The following ADAM12 variants were observed in gnomAD, a reference collection of about 807,000 sequenced individuals.
ADAM12 encodes disintegrin and metalloproteinase domain-containing protein 12.
A neutral mutation model predicts 106.4 loss-of-function variants in ADAM12; 70 were observed. That is an observed-to-expected ratio of 0.66 (90% CI 0.54 to 0.80). The LOEUF is 0.80. ADAM12 is among the 30% of genes least tolerant of loss of function. The pLI is 0.00. For synonymous variants in ADAM12, 420 were observed against 433.5 expected (o/e 0.97, Z 0.39); for missense variants, 1,010 against 1,171.9 (o/e 0.86, Z 2.02).
At chr10:126,152,153 T>C (rs944043608) in intron 4 of ADAM12, among the ~76,000 whole-genome samples, 1 of 152,056 alleles carries the variant, frequency 6.6e-6, no homozygotes, top group Admixed American at 6.5e-5. Context: ...ATTAAGCTTA[T>C]CAATTTTACA....
At chr10:126,230,537 C>G (rs1958291118) in intron 3 of ADAM12, among the ~76,000 whole-genome samples, 1 of 152,208 alleles carries the variant, frequency 6.6e-6, no homozygotes, top group African/African-American at 2.4e-5. Flanking sequence ...AACCCACCCA[C>G]TCTCCTGAAA....
chr10:126,173,087 C>T (rs1957148903), intron 3 of ADAM12, among the ~76,000 whole-genome samples: 1 of 152,082 alleles, frequency 6.6e-6, no homozygotes, highest in Non-Finnish European at 1.5e-5. Flanking sequence ...AGGTGAACAT[C>T]ACACACTGGG....
intron 2 of ADAM12, among the ~76,000 whole-genome samples, chr10:126,284,324 C>T (rs1329956535): frequency 8.5e-6 from 1 of 117,394 alleles, no homozygotes; most frequent in Admixed American, 1.0e-4. Flanking sequence ...CAGAGCAAGA[C>T]TCCATCTCAA....
chr10:126,135,467 A>G (rs925718979), intron 5 of ADAM12, 117 bp downstream of exon 5: 6 of 945,700 alleles, frequency 6.3e-6, no homozygotes, highest in Non-Finnish European at 9.9e-6. Flanking sequence ...GTGGAGGTGT[A>G]GCTGAGCTGG....
At chr10:126,277,886 C>T (rs1959346653) in intron 3 of ADAM12, among the ~76,000 whole-genome samples, 1 of 152,160 alleles carries the variant, frequency 6.6e-6, no homozygotes, top group South Asian at 2.1e-4. Context: ...ACCGAACTTT[C>T]GGGCTGGCTG....
intron 11 of ADAM12, among the ~76,000 whole-genome samples, chr10:126,086,800 G>A (rs913312622): frequency 6.2e-5 from 9 of 145,488 alleles, no homozygotes; most frequent in African/African-American, 1.8e-4. Context: ...TTGGGAAGCC[G>A]AGGCTCACAG....
At chr10:126,322,878 T>C (rs1163646663) in intron 2 of ADAM12, among the ~76,000 whole-genome samples, 1 of 152,154 alleles carries the variant, frequency 6.6e-6, no homozygotes, top group African/African-American at 2.4e-5. Flanking sequence ...AGCTTTTACC[T>C]CTCCAAATCC....
At chr10:126,169,956 G>A (rs1258793125) in intron 3 of ADAM12, among the ~76,000 whole-genome samples, 1 of 152,194 alleles carries the variant, frequency 6.6e-6, no homozygotes, top group African/African-American at 2.4e-5. Flanking sequence ...CAAAGCAGGG[G>A]GTCCTGCAAG....
At chr10:126,242,656 CTTTA>C (rs1454862950) in intron 3 of ADAM12, among the ~76,000 whole-genome samples, 1 of 152,174 alleles carries the variant, frequency 6.6e-6, no homozygotes, top group African/African-American at 2.4e-5. Flanking sequence ...ACCAATTGTG[CTTTA>C]TTTGAGTTGG....
chr10:126,386,874 C>G (rs1856679681), intron 1 of ADAM12, among the ~76,000 whole-genome samples: 1 of 152,216 alleles, frequency 6.6e-6, no homozygotes, highest in African/African-American at 2.4e-5. Context: ...TCTTTAAACC[C>G]TCAGCAGGAT....
At chr10:126,310,345 A>C (rs2133814759) in intron 2 of ADAM12, among the ~76,000 whole-genome samples, 1 of 152,228 alleles carries the variant, frequency 6.6e-6, no homozygotes, top group South Asian at 2.1e-4. Context: ...GAGGAGAACA[A>C]GGCAAAACCT....
chr10:126,143,720 A>G (rs1956571224), intron 4 of ADAM12, among the ~76,000 whole-genome samples: 1 of 151,552 alleles, frequency 6.6e-6, no homozygotes, highest in African/African-American at 2.4e-5. Context: ...GTGTGTGGGT[A>G]TGCATGTGTA....
intron 2 of ADAM12, among the ~76,000 whole-genome samples, chr10:126,306,506 A>G (rs1960850860): frequency 6.6e-6 from 1 of 152,176 alleles, no homozygotes; most frequent in Non-Finnish European, 1.5e-5. Flanking sequence ...TCTATCTGGC[A>G]TCGTTTTCCT....
chr10:126,349,901 G>C (rs148372335), intron 1 of ADAM12, among the ~76,000 whole-genome samples: 68 of 152,286 alleles, frequency 4.5e-4, no homozygotes, highest in African/African-American at 1.4e-3. Context: ...TTGCTCTTCA[G>C]GTATGGGTTT....
intron 2 of ADAM12, 106 bp from the exon 3 acceptor site, chr10:126,279,094 T>C (rs1959425546): frequency 1.2e-6 from 1 of 812,276 alleles, no homozygotes; most frequent in South Asian, 1.6e-5. Flanking sequence ...AACGATGCGG[T>C]CAACCTAAGA....
At chr10:126,036,380 C>T (rs987212150) in intron 20 of ADAM12, 55 bp from the exon 21 acceptor site, 1 of 1,533,562 alleles carries the variant, frequency 6.5e-7, no homozygotes, top group South Asian at 1.3e-5. Context: ...ATATCAGTAA[C>T]TCCTTAAGGA....
chr10:126,297,197 A>G (rs1960420414), intron 2 of ADAM12, among the ~76,000 whole-genome samples: 1 of 152,202 alleles, frequency 6.6e-6, no homozygotes, highest in African/African-American at 2.4e-5. Flanking sequence ...GCAGAAAGAC[A>G]TTCAGCATAA....
At chr10:126,241,177 T>C (rs1049787006) in intron 3 of ADAM12, among the ~76,000 whole-genome samples, 1 of 152,128 alleles carries the variant, frequency 6.6e-6, no homozygotes, top group African/African-American at 2.4e-5. Context: ...GGCCAATCCA[T>C]AGAGACCTAA....
chr10:126,199,295 C>T (rs1456096017), intron 3 of ADAM12, among the ~76,000 whole-genome samples: 3 of 152,178 alleles, frequency 2.0e-5, no homozygotes, highest in Non-Finnish European at 2.9e-5. Context: ...ACTTATCCAC[C>T]TAATCACCAT....
Sources: allele counts gnomAD v4.1 joint callset (sites outside exome capture counted in the v4.1 genomes callset), GRCh38; gene constraint gnomAD v4.1.1; transcripts MANE v1.5; gene names NCBI Gene and HGNC (gene_info 2026-07-23, HGNC 2026-07-21).